The following ADGRV1 variants were observed in gnomAD, a reference collection of about 807,000 sequenced individuals.
ADGRV1 encodes G-protein coupled receptor 98.
A neutral mutation model predicts 596.2 loss-of-function variants in ADGRV1; 359 were observed. That is an observed-to-expected ratio of 0.60 (90% CI 0.55 to 0.66). ADGRV1 has a LOEUF of 0.66. Ranked by LOEUF, ADGRV1 falls within the 30% of genes least tolerant of loss-of-function variation. The pLI, the probability that ADGRV1 is intolerant of heterozygous loss-of-function variation, is 0.00. For synonymous variants in ADGRV1, 2,681 were observed against 2,679.2 expected (o/e 1.00, Z -0.02); for missense variants, 7,274 against 7,575.6 (o/e 0.96, Z 1.48).
At chr5:90,596,034 G>C (rs921760236) in intron 1 of ADGRV1, among the ~76,000 whole-genome samples, 4 of 150,014 alleles carry the variant, frequency 2.7e-5, no homozygotes, top group Non-Finnish European at 4.4e-5. Context: ...CTTCTCATAC[G>C]GGGTGGCTGC....
At chr5:90,565,338 C>A (rs1718624556) in intron 1 of ADGRV1, among the ~76,000 whole-genome samples, 1 of 152,186 alleles carries the variant, frequency 6.6e-6, no homozygotes, top group Non-Finnish European at 1.5e-5. Context: ...TCTATCCCAC[C>A]TTTCTCCACT....
chr5:90,834,753 A>G (rs569316288), intron 77 of ADGRV1, among the ~76,000 whole-genome samples: 1 of 150,846 alleles, frequency 6.6e-6, no homozygotes, highest in East Asian at 1.9e-4. Context: ...CTCTCTCTTT[A>G]CATCCCCTTT....
At chr5:91,133,595 G>A (rs1329086848) in intron 87 of ADGRV1, among the ~76,000 whole-genome samples, 2 of 152,222 alleles carry the variant, frequency 1.3e-5, no homozygotes, top group Non-Finnish European at 2.9e-5. Flanking sequence ...ATGAAGGATG[G>A]TAATTCCTAC....
At chr5:91,039,991 G>A (rs1460495710) in intron 85 of ADGRV1, among the ~76,000 whole-genome samples, 2 of 152,062 alleles carry the variant, frequency 1.3e-5, no homozygotes, top group Non-Finnish European at 2.9e-5. Context: ...AGCCAGAAGA[G>A]ACCTATGAAG....
At chr5:90,948,986 G>A (rs1776837978) in intron 83 of ADGRV1, among the ~76,000 whole-genome samples, 1 of 151,990 alleles carries the variant, frequency 6.6e-6, no homozygotes, top group Non-Finnish European at 1.5e-5. Flanking sequence ...AACAACTCAG[G>A]TGTCCATCAG....
chr5:90,696,304 A>G (rs1747188282), intron 33 of ADGRV1, among the ~76,000 whole-genome samples: 1 of 152,034 alleles, frequency 6.6e-6, no homozygotes. Context: ...TGTTGCTGTC[A>G]CTTGTCCCTT....
intron 83 of ADGRV1, among the ~76,000 whole-genome samples, chr5:90,906,405 T>G (rs1469232021): frequency 1.3e-5 from 2 of 152,164 alleles, no homozygotes. Context: ...ATCTCATTAC[T>G]TGTTATTGGT....
intron 85 of ADGRV1, among the ~76,000 whole-genome samples, chr5:91,047,481 A>G (rs751543796): frequency 1.3e-5 from 2 of 152,200 alleles, no homozygotes; most frequent in Non-Finnish European, 2.9e-5. Context: ...AGCATCCAGC[A>G]TGGGAGAAAG....
At chr5:90,943,822 A>G (rs1776357336) in intron 83 of ADGRV1, among the ~76,000 whole-genome samples, 1 of 151,966 alleles carries the variant, frequency 6.6e-6, no homozygotes. Context: ...TGGCCTTCTT[A>G]TAAGAACATC....
chr5:91,022,061 C>T lies in ADGRV1; in HGVS notation c.18152+36539C>T, dbSNP rs540082109. On this transcript the variant is annotated intron_variant, in intron 85 of 89. Coordinates refer to ENST00000405460, the MANE Select transcript of ADGRV1 (RefSeq NM_032119.4). The stretch of plus-strand genomic sequence containing the variant: ...CTAAAATCATACAAACAAATGATAG[C>T]GCATGCAACTTGAAAACTTTTTGAA... 7.2e-5 allele frequency among the ~76,000 whole-genome samples: 11 copies of T among 152,118 alleles called. No homozygotes were observed. In the East Asian group the frequency reaches 1.7e-3, roughly 24 times the overall value.
chr5:90,558,944 G>C (rs1378635366), intron 1 of ADGRV1, 27 bp downstream of exon 1: 1 of 1,549,220 alleles, frequency 6.5e-7, no homozygotes, highest in Non-Finnish European at 8.7e-7. Context: ...GGGTGGTGCT[G>C]CGAGCATCGC....
chr5:91,021,808 A>G (rs1783653458), intron 85 of ADGRV1, among the ~76,000 whole-genome samples: 2 of 152,050 alleles, frequency 1.3e-5, no homozygotes, highest in African/African-American at 4.8e-5. Flanking sequence ...TCAAAAGAAG[A>G]GTAGTGCCTA....
At chr5:90,698,150 T>C (rs1747445485) in intron 34 of ADGRV1, among the ~76,000 whole-genome samples, 1 of 152,160 alleles carries the variant, frequency 6.6e-6, no homozygotes, top group Non-Finnish European at 1.5e-5. Flanking sequence ...CAGTAATGAG[T>C]AAAAGTGAAT....
intron 83 of ADGRV1, among the ~76,000 whole-genome samples, chr5:90,938,869 C>T (rs1366421049): frequency 1.3e-5 from 2 of 152,118 alleles, no homozygotes; most frequent in Non-Finnish European, 2.9e-5. Context: ...TCTTTCAACC[C>T]AGGAAGTATA....
At chr5:90,976,701 A>C (rs1779645904) in intron 84 of ADGRV1, among the ~76,000 whole-genome samples, 1 of 152,106 alleles carries the variant, frequency 6.6e-6, no homozygotes, top group Admixed American at 6.5e-5. Context: ...TAAGCAGACA[A>C]ATGATTTTTG....
At chr5:90,642,527 C>T (rs1392629436) in intron 11 of ADGRV1, 109 bp from the exon 12 acceptor site, 1 of 1,153,180 alleles carries the variant, frequency 8.7e-7, no homozygotes, top group Non-Finnish European at 1.2e-6. Context: ...TTCCTCATAG[C>T]CTTCCTTTTC....
rs150295211 is a variant in ADGRV1, at chr5:90,970,044, A to G, written c.17973+4513A>G. The stretch of plus-strand genomic sequence containing the variant: ...CCCACCCTAATACTGCGCTTTTCCA[A>G]TGGTCTTAGCAAATGGCACAACAGG... On this transcript the variant is annotated intron_variant, in intron 84 of 89. Coordinates refer to ENST00000405460, the MANE Select transcript of ADGRV1 (RefSeq NM_032119.4). 7.9e-3 allele frequency among the ~76,000 whole-genome samples: 1,205 copies of G among 152,320 alleles called. 10 individuals are homozygous for G. Among genetic ancestry groups the G allele is most frequent in the Non-Finnish European group, 8.8e-3 (601 of 68,014 alleles).
chr5:90,801,019 T>A (rs1344664653), intron 70 of ADGRV1, among the ~76,000 whole-genome samples: 1 of 152,048 alleles, frequency 6.6e-6, no homozygotes, highest in African/African-American at 2.4e-5. Context: ...TGTATACCTA[T>A]GTAACAAAAC....
At chr5:90,946,920 A>G (rs951652610) in intron 83 of ADGRV1, among the ~76,000 whole-genome samples, 1 of 152,210 alleles carries the variant, frequency 6.6e-6, no homozygotes, top group African/African-American at 2.4e-5. Flanking sequence ...TGCTGCAGTG[A>G]ACATATGCGT....
Sources: gnomAD v4.1 joint callset for allele counts (sites outside exome capture counted in the v4.1 genomes callset) on GRCh38, gnomAD v4.1.1 for gene constraint, MANE v1.5 for transcripts, NCBI Gene and HGNC (gene_info 2026-07-23, HGNC 2026-07-21) for gene names.